ZDHHC20: variants seen among roughly 807,000 people sequenced by gnomAD.
ZDHHC20 encodes zDHHC palmitoyltransferase 20.
A neutral mutation model predicts 57.8 loss-of-function variants in ZDHHC20; 43 were observed. The observed-to-expected ratio is 0.74, with a 90% confidence interval of 0.58 to 0.96. The LOEUF (loss-of-function observed/expected upper bound fraction) is 0.96, where lower values mean the gene tolerates loss of function less well. ZDHHC20 is among the 40% of genes least tolerant of loss of function. The pLI, the probability that ZDHHC20 is intolerant of heterozygous loss-of-function variation, is 0.00. For synonymous variants in ZDHHC20, 157 were observed against 153.0 expected (o/e 1.03, Z -0.19); for missense variants, 391 against 441.1 (o/e 0.89, Z 1.02).
intron 7 of ZDHHC20, among the ~76,000 whole-genome samples, chr13:21,395,327 A>G (rs1593199477): frequency 6.6e-6 from 1 of 151,762 alleles, no homozygotes; most frequent in East Asian, 1.9e-4. Context: ...CGGCCTCCCA[A>G]AGTGCTGGGA....
intron 12 of ZDHHC20, among the ~76,000 whole-genome samples, chr13:21,378,140 TC>T (rs1872567999): frequency 1.3e-5 from 2 of 152,116 alleles, no homozygotes; most frequent in Non-Finnish European, 2.9e-5. Flanking sequence ...CCTCCTGGGC[TC>T]AAGTGATCCT....
chr13:21,420,772 G>A (rs899196310), intron 3 of ZDHHC20, among the ~76,000 whole-genome samples: 2 of 152,146 alleles, frequency 1.3e-5, no homozygotes, highest in Non-Finnish European at 2.9e-5. Context: ...ACGCAATTCT[G>A]TTCCTTGAGA....
At chr13:21,454,326 A>C (rs1014247849) in intron 1 of ZDHHC20, among the ~76,000 whole-genome samples, 2 of 151,196 alleles carry the variant, frequency 1.3e-5, no homozygotes, top group East Asian at 3.9e-4. Context: ...ACTCCATCTC[A>C]AAACAAAAAC....
chr13:21,402,674 A>G, intron 5 of ZDHHC20, 123 bp downstream of exon 5: 1 of 773,760 alleles, frequency 1.3e-6, no homozygotes, highest in Admixed American at 2.5e-5. Context: ...TGCACAGCAA[A>G]TAATGGGAGA....
intron 4 of ZDHHC20, 115 bp downstream of exon 4, chr13:21,413,537 A>C: frequency 1.1e-6 from 1 of 899,366 alleles, no homozygotes; most frequent in Non-Finnish European, 1.5e-6. Flanking sequence ...TGCTACAGAT[A>C]TTATTTATGG....
chr13:21,413,056 A>G (rs1247618837), intron 4 of ZDHHC20, among the ~76,000 whole-genome samples: 1 of 152,040 alleles, frequency 6.6e-6, no homozygotes, highest in African/African-American at 2.4e-5. Flanking sequence ...CCCTGTATTT[A>G]AACGACCAGC....
At chr13:21,453,266 T>C (rs1884623156) in intron 1 of ZDHHC20, among the ~76,000 whole-genome samples, 1 of 152,214 alleles carries the variant, frequency 6.6e-6, no homozygotes, top group African/African-American at 2.4e-5. Flanking sequence ...CAATAGGATA[T>C]TGCAATCCTA....
intron 1 of ZDHHC20, among the ~76,000 whole-genome samples, chr13:21,442,785 A>T (rs934131034): frequency 6.6e-6 from 1 of 151,724 alleles, no homozygotes; most frequent in Admixed American, 6.6e-5. Flanking sequence ...TTTGACTTGC[A>T]GTTTCTTTTA....
rs114352696 is a variant in ZDHHC20 at position 21,391,889 on chromosome 13, C to T, written c.595-35G>A. On this transcript the variant is annotated intron_variant, in intron 7 of 12. Coordinates refer to ENST00000400590, the MANE Select transcript of ZDHHC20 (RefSeq NM_001330059.2). ...AAAAGAAGTTAATTTTGAGGTCAACCTCTAAAATATAACTTACAAGTTAGT... is the reference window on the plus strand; with the variant it reads ...AAAAGAAGTTAATTTTGAGGTCAACTTCTAAAATATAACTTACAAGTTAGT... 4,018 of 1,587,742 alleles carry T rather than the reference C, an allele frequency of 2.5e-3. 83 individuals carry two copies. The African/African-American group carries it at 0.046, about 18-fold the overall frequency.
At chr13:21,431,840 T>C (rs1006489834) in intron 1 of ZDHHC20, among the ~76,000 whole-genome samples, 2 of 152,254 alleles carry the variant, frequency 1.3e-5, no homozygotes, top group Non-Finnish European at 2.9e-5. Context: ...GTTCTTCATA[T>C]ATTCTGGATA....
At position 21,402,878 on chromosome 13, in the gene ZDHHC20, A is replaced by T; in HGVS notation, c.371-12T>A. On this transcript the variant is annotated splice_polypyrimidine_tract_variant and intron_variant, in intron 4 of 12. Transcript: ENST00000400590. ...ACAATATCTGATAGCTACATGAAAG[A>T]AGTAAAAGGAAGATGCTGAAGGATG... is the stretch of plus-strand genomic sequence containing the variant. The T allele has an allele frequency of 1.3e-6, 2 of 1,572,936 alleles. No homozygotes were observed. Among genetic ancestry groups the T allele is most frequent in the Non-Finnish European group, 1.7e-6 (2 of 1,155,924 alleles).
intron 7 of ZDHHC20, 93 bp downstream of exon 7, chr13:21,400,280 A>G: frequency 8.2e-7 from 1 of 1,219,182 alleles, no homozygotes; most frequent in Non-Finnish European, 1.1e-6. Flanking sequence ...AAATTAAAGT[A>G]TATCTACTTG....
chr13:21,403,740 T>C (rs927439527), intron 4 of ZDHHC20, among the ~76,000 whole-genome samples: 2 of 152,134 alleles, frequency 1.3e-5, no homozygotes, highest in Non-Finnish European at 2.9e-5. Flanking sequence ...CAGGCTGGAG[T>C]GCAGTTGCAC....
chr13:21,446,943 A>G (rs1329482596), intron 1 of ZDHHC20, among the ~76,000 whole-genome samples: 1 of 152,164 alleles, frequency 6.6e-6, no homozygotes, highest in East Asian at 1.9e-4. Context: ...AATGCCTTAA[A>G]GGCCATGGTA....
At chr13:21,414,427 T>C (rs970782734) in intron 3 of ZDHHC20, among the ~76,000 whole-genome samples, 54 of 151,568 alleles carry the variant, frequency 3.6e-4, no homozygotes, top group East Asian at 5.8e-4. Context: ...GTGGAGTGAT[T>C]TCGGCTCACT....
At position 21,384,878 on chromosome 13, in the gene ZDHHC20, G is replaced by A. The variant is rs76686233; in HGVS notation, c.855-1869C>T. 2.3e-3 allele frequency among the ~76,000 whole-genome samples: 354 copies of A among 152,030 alleles called. 4 individuals are homozygous for A. Among genetic ancestry groups the A allele is most frequent in the African/African-American group, 7.9e-3 (329 of 41,454 alleles). On this transcript the variant is annotated intron_variant, in intron 9 of 12. Coordinates refer to ENST00000400590, the MANE Select transcript of ZDHHC20 (RefSeq NM_001330059.2). ...CCCTTCGGGAGGCCAATCTACATAG[G>A]CAGCAAAGTAGCATTCAAAATGTCC...
chr13:21,419,525 A>T (rs1880403923), intron 3 of ZDHHC20, among the ~76,000 whole-genome samples: 1 of 152,250 alleles, frequency 6.6e-6, no homozygotes, highest in Admixed American at 6.5e-5. Context: ...CTAAACAATA[A>T]TGAGAATGAA....
intron 8 of ZDHHC20, among the ~76,000 whole-genome samples, chr13:21,388,752 T>A (rs1875074925): frequency 6.6e-6 from 1 of 152,086 alleles, no homozygotes; most frequent in African/African-American, 2.4e-5. Context: ...CCTTATGGAG[T>A]AAGACATCCT....
intron 1 of ZDHHC20, among the ~76,000 whole-genome samples, chr13:21,439,936 A>G (rs1001619052): frequency 6.6e-6 from 1 of 151,824 alleles, no homozygotes; most frequent in Admixed American, 6.6e-5. Context: ...GTTTGGTGGC[A>G]TGCGCCTGTA....
Sources: allele counts gnomAD v4.1 joint callset (sites outside exome capture counted in the v4.1 genomes callset), GRCh38; gene constraint gnomAD v4.1.1; transcripts MANE v1.5; gene names NCBI Gene and HGNC (gene_info 2026-07-23, HGNC 2026-07-21).